The following DTNA variants were observed in gnomAD, a reference collection of about 807,000 sequenced individuals.
DTNA encodes the protein dystrophin-related protein 3.
A neutral mutation model predicts 100.7 loss-of-function variants in DTNA; 43 were observed. That is an observed-to-expected ratio of 0.43 (90% CI 0.33 to 0.55). The LOEUF is 0.55. DTNA is among the 20% of genes least tolerant of loss of function. The probability of loss-of-function intolerance (pLI) is 0.04; values close to 1 mark genes in which losing one functional copy is unlikely to be tolerated. For synonymous variants in DTNA, 349 were observed against 347.9 expected (o/e 1.00, Z -0.04); for missense variants, 798 against 953.9 (o/e 0.84, Z 2.15).
intron 1 of DTNA, among the ~76,000 whole-genome samples, chr18:34,552,747 T>C (rs1307305522): frequency 6.6e-6 from 1 of 151,514 alleles, no homozygotes; most frequent in Non-Finnish European, 1.5e-5. Context: ...ATGGTGTATA[T>C]GTGCCACATT....
intron 1 of DTNA, among the ~76,000 whole-genome samples, chr18:34,684,918 A>G (rs184974045): frequency 5.7e-4 from 87 of 152,218 alleles, no homozygotes; most frequent in Non-Finnish European, 1.0e-3. Context: ...GCTTCTTTTC[A>G]TATGTTTTTT....
intron 13 of DTNA, among the ~76,000 whole-genome samples, chr18:34,848,037 A>C (rs1339924032): frequency 6.6e-6 from 1 of 152,250 alleles, no homozygotes; most frequent in Non-Finnish European, 1.5e-5. Flanking sequence ...TGTATTGATC[A>C]GAATAGTCAC....
chr18:34,827,823 C>A, intron 10 of DTNA, 147 bp downstream of exon 10: 2 of 865,946 alleles, frequency 2.3e-6, no homozygotes, highest in South Asian at 1.5e-5. Flanking sequence ...TTTTCAATTT[C>A]ATTCATTTGT....
chr18:34,536,750 A>G (rs899429129), intron 1 of DTNA, among the ~76,000 whole-genome samples: 1 of 152,010 alleles, frequency 6.6e-6, no homozygotes, highest in Non-Finnish European at 1.5e-5. Context: ...TGTGCTACCC[A>G]TGTGTTAAAT....
intron 1 of DTNA, among the ~76,000 whole-genome samples, chr18:34,564,184 C>T (rs1486322964): frequency 6.6e-6 from 1 of 152,204 alleles, no homozygotes; most frequent in Non-Finnish European, 1.5e-5. Context: ...CCTCTATCAC[C>T]TAGGCTGGAG....
intron 4 of DTNA, among the ~76,000 whole-genome samples, chr18:34,802,205 T>C (rs2095239783): frequency 6.6e-6 from 1 of 152,256 alleles, no homozygotes; most frequent in Admixed American, 6.5e-5. Flanking sequence ...GGAAAATCTA[T>C]GTTTTTCAAC....
chr18:34,618,680 G>A (rs1448343098), intron 1 of DTNA, among the ~76,000 whole-genome samples: 1 of 152,138 alleles, frequency 6.6e-6, no homozygotes, highest in East Asian at 1.9e-4. Flanking sequence ...ACAATGTCAT[G>A]TTGTGATAAA....
At position 34,838,112 on chromosome 18, in the gene DTNA, T is replaced by C. The variant is rs748708028; in HGVS notation, c.1194T>C (p.Ser398=). The C allele has an allele frequency of 6.2e-7, 1 of 1,613,852 alleles. No homozygotes were observed. Among genetic ancestry groups the C allele is most frequent in the Non-Finnish European group, 8.5e-7 (1 of 1,179,824 alleles). ...DHGARSPPKD[S]EVEQNKLLAR... ...TAACTAGCTCTCCTCCCAAGGACAG[T>C]GAAGTAGAGCAGAACAAACTGCTGG... The change falls in exon 12 of 23, where the codon AGT becomes AGC. Residue 398 remains serine (S), a synonymous_variant. Transcript: ENST00000444659.
chr18:34,760,309 C>A (rs1453274363), intron 2 of DTNA, among the ~76,000 whole-genome samples: 1 of 152,098 alleles, frequency 6.6e-6, no homozygotes, highest in Non-Finnish European at 1.5e-5. Flanking sequence ...CTCTACTTCT[C>A]TTTTTCTGTC....
intron 12 of DTNA, 148 bp from the exon 13 acceptor site, chr18:34,838,597 G>A (rs2096203733): frequency 5.7e-6 from 4 of 705,086 alleles, no homozygotes; most frequent in Admixed American, 2.0e-5. Flanking sequence ...TTTCACTTGT[G>A]TTTTTCATAG....
chr18:34,515,144 A>G (rs567078821), intron 1 of DTNA, among the ~76,000 whole-genome samples: 10 of 151,978 alleles, frequency 6.6e-5, no homozygotes, highest in African/African-American at 2.4e-4. Context: ...GACTTTCTCT[A>G]CCCTAACGTC....
chr18:34,788,277 G>A (rs2094579184), intron 3 of DTNA, among the ~76,000 whole-genome samples: 1 of 152,004 alleles, frequency 6.6e-6, no homozygotes, highest in Non-Finnish European at 1.5e-5. Context: ...TCTCAACTTA[G>A]CATTTCTCAG....
intron 16 of DTNA, among the ~76,000 whole-genome samples, chr18:34,858,767 C>A (rs1000897788): frequency 6.6e-6 from 1 of 152,182 alleles, no homozygotes; most frequent in African/African-American, 2.4e-5. Flanking sequence ...TGCGCCACCA[C>A]ACCTGGCTAA....
intron 1 of DTNA, among the ~76,000 whole-genome samples, chr18:34,528,694 C>A (rs573356302): frequency 1.2e-3 from 183 of 151,932 alleles, no homozygotes; most frequent in Admixed American, 1.4e-3. Context: ...AAGAAAATGC[C>A]TTTCCTTCAT....
chr18:34,675,451 G>T (rs772120099), intron 1 of DTNA, among the ~76,000 whole-genome samples: 2 of 151,902 alleles, frequency 1.3e-5, no homozygotes, highest in Non-Finnish European at 2.9e-5. Flanking sequence ...TATATTTTTA[G>T]GGTGAATAAA....
intron 3 of DTNA, among the ~76,000 whole-genome samples, chr18:34,780,581 AAAAT>A (rs1435474084): frequency 6.6e-6 from 1 of 152,258 alleles, no homozygotes; most frequent in East Asian, 1.9e-4. Context: ...ATTGTGGAGA[AAAAT>A]AAAGTGAGAA....
At chr18:34,683,968 T>C (rs2078495098) in intron 1 of DTNA, among the ~76,000 whole-genome samples, 1 of 152,052 alleles carries the variant, frequency 6.6e-6, no homozygotes, top group Admixed American at 6.6e-5. Context: ...CATTGGAAGT[T>C]GGGGTACACA....
chr18:34,745,011 TAATACC>T (rs1165756910), intron 1 of DTNA, among the ~76,000 whole-genome samples: 1 of 152,124 alleles, frequency 6.6e-6, no homozygotes, highest in Non-Finnish European at 1.5e-5. Context: ...ATGAGACTAA[TAATACC>T]AACCTTATGG....
At chr18:34,516,499 A>G (rs1476643339) in intron 1 of DTNA, among the ~76,000 whole-genome samples, 1 of 152,000 alleles carries the variant, frequency 6.6e-6, no homozygotes, top group Non-Finnish European at 1.5e-5. Flanking sequence ...GAATTTCCTA[A>G]TCCTAGTAAG....
Sources: gnomAD v4.1 joint callset for allele counts (sites outside exome capture counted in the v4.1 genomes callset) on GRCh38, gnomAD v4.1.1 for gene constraint, MANE v1.5 for transcripts, NCBI Gene and HGNC (gene_info 2026-07-23, HGNC 2026-07-21) for gene names.